The following SCN3B variants were observed in gnomAD, a reference collection of about 807,000 sequenced individuals.
SCN3B encodes the protein sodium channel regulatory subunit beta-3.
SCN3B carries 11 observed loss-of-function variants against 25.4 expected under a neutral mutation model. That is an observed-to-expected ratio of 0.43 (90% confidence interval 0.27 to 0.72). SCN3B has a LOEUF of 0.72. Ranked by LOEUF, SCN3B falls within the 30% of genes least tolerant of loss-of-function variation. The pLI, the probability that SCN3B is intolerant of heterozygous loss-of-function variation, is 0.18. For missense variants in SCN3B, 218 were observed against 278.3 expected (o/e 0.78, Z 1.54); for synonymous variants, 109 against 110.7 (o/e 0.99, Z 0.09).
intron 2 of SCN3B, among the ~76,000 whole-genome samples, chr11:123,647,615 A>G (rs1955869083): frequency 6.6e-6 from 1 of 152,222 alleles, no homozygotes; most frequent in Non-Finnish European, 1.5e-5. Flanking sequence ...TACACACTAC[A>G]TTTAAAAACT....
chr11:123,642,787 AG>A lies in SCN3B; in HGVS notation c.220-117del, dbSNP rs964185029. 8 of 804,072 alleles carry A rather than the reference AG, an allele frequency of 9.9e-6. No homozygotes were observed. The highest frequency in any genetic ancestry group is 1.7e-5 in the Non-Finnish European group (8 of 476,636). 49.8% of individuals were successfully genotyped at this position (804,072 alleles called of 1,614,324 possible). ...AGAATTGTGCATGGACAGGGAAGAG[AG>A]GGGACAATGCCACCGGGAGACCCAG... is the stretch of plus-strand genomic sequence containing the variant. On this transcript the variant is annotated intron_variant, in intron 3 of 6. Coordinates refer to ENST00000299333, the MANE Select transcript of SCN3B (RefSeq NM_001040151.2). The surrounding 1 kb of genome is among the most constrained non-coding windows in gnomAD (Gnocchi z 4.3).
At position 123,648,026 on chromosome 11, in the gene SCN3B, G is replaced by T. The variant is rs529853945; in HGVS notation, c.56-2276C>A. Among the ~76,000 whole-genome samples, 9 of 152,314 alleles carry T rather than the reference G, an allele frequency of 5.9e-5. No homozygotes were observed. In the South Asian group the frequency reaches 1.0e-3, roughly 18 times the overall value. The stretch of plus-strand genomic sequence containing the variant: ...TGATGAGTCTGAAGTATTGATTATA[G>T]ATCTGATTAAACAAAAAGGAAATGT... On this transcript the variant is annotated intron_variant, in intron 2 of 6. Transcript: ENST00000299333.
rs749596563 is a variant in SCN3B at position 123,645,744 on chromosome 11, A to G, written c.62T>C (p.Val21Ala). Reference protein sequence around the residue: ...ASLVLIYWVSVCFPVCVEVPS... With the variant: ...ASLVLIYWVSACFPVCVEVPS... The stretch of plus-strand genomic sequence containing the variant: ...CACTTCCACACACACAGGGAAGCAG[A>G]CACTGACTGCAGAGAGGACAGATGG... The change falls in exon 3 of 7, where the codon GTC becomes GCC. Residue 21 changes from valine (V) to alanine (A), a missense_variant. Val to Ala is a moderately conservative substitution (Grantham distance 64). Transcript: ENST00000299333. The G allele has an allele frequency of 2.4e-5, 39 of 1,614,128 alleles. No homozygotes were observed. In the East Asian group the frequency reaches 8.7e-4, roughly 36 times the overall value.
intron 3 of SCN3B, among the ~76,000 whole-genome samples, chr11:123,644,978 T>G (rs550335334): frequency 6.6e-6 from 1 of 151,940 alleles, no homozygotes; most frequent in South Asian, 2.1e-4. Context: ...CTCCCAGCTC[T>G]GCCAGGAGCG....
intron 2 of SCN3B, among the ~76,000 whole-genome samples, chr11:123,651,138 T>A (rs1955920949): frequency 6.6e-6 from 1 of 151,628 alleles, no homozygotes; most frequent in South Asian, 2.1e-4. Flanking sequence ...TTGTATTATT[T>A]TTTAAATCTC....
chr11:123,639,608 C>T (rs865931598), intron 4 of SCN3B: 2 of 152,292 alleles, frequency 1.3e-5, no homozygotes, highest in Non-Finnish European at 2.9e-5. Context: ...GAACTCCTCA[C>T]CTCAGGTGAT....
chr11:123,634,690 C>T (rs905823938), intron 5 of SCN3B, among the ~76,000 whole-genome samples: 2 of 152,168 alleles, frequency 1.3e-5, no homozygotes, highest in East Asian at 1.9e-4. Context: ...CATGATTGCA[C>T]CACTGCACTC....
chr11:123,642,453 G>T lies in SCN3B; in HGVS notation c.438C>A (p.Thr146=), dbSNP rs1275085. 3.7e-6 allele frequency: 6 copies of T among 1,613,878 alleles called. No homozygotes were observed. The highest frequency in any genetic ancestry group is 4.5e-5 in the East Asian group (2 of 44,872). ...CCTGTGCCTCAGCCTCACCCTCCTC[G>T]GTGACTCTTAGGGGGATCAGCCGCG... The part of the protein sequence containing the change: ...KTTRLIPLRV[T]EEAGEDFTSV... Residue 146 remains threonine, a synonymous_variant, in exon 4 of 7, where the codon ACC becomes ACA. Transcript: ENST00000299333. The surrounding 1 kb of genome is among the most constrained non-coding windows in gnomAD (Gnocchi z 4.3).
chr11:123,638,467 C>T (rs1015680820), intron 4 of SCN3B, 143 bp from the exon 5 acceptor site: 62 of 1,151,774 alleles, frequency 5.4e-5, no homozygotes, highest in Non-Finnish European at 7.1e-5. Context: ...AATCCTGACT[C>T]TCCCGCCCAT....
At chr11:123,641,470 C>A (rs914538209) in intron 4 of SCN3B, among the ~76,000 whole-genome samples, 17 of 152,180 alleles carry the variant, frequency 1.1e-4, no homozygotes, top group African/African-American at 4.1e-4. Context: ...AACCTGTGGC[C>A]TGGAGGTTGG....
At chr11:123,652,923 G>T (rs1293663133) in intron 2 of SCN3B, among the ~76,000 whole-genome samples, 1 of 152,106 alleles carries the variant, frequency 6.6e-6, no homozygotes, top group East Asian at 1.9e-4. Flanking sequence ...TTATCACATA[G>T]ATCAATCCCC....
Position 123,629,627 on chromosome 11 carries a change from G to GT in SCN3B, c.*4171dup, listed in dbSNP as rs1346040676. 3 of 152,258 alleles carry GT rather than the reference G, an allele frequency of 2.0e-5. No individual in the cohort carries two copies. The highest frequency in any genetic ancestry group is 7.2e-5 in the African/African-American group (3 of 41,450). The allele number at this position is 152,258 out of a possible 1,614,324, so 9.4% of individuals were successfully genotyped here. A position where few individuals can be genotyped will look rare whatever the true frequency, so the allele number is the denominator to read the frequency against. ...TTGGATGATGCTGCTTTTCAGACCT[G>GT]TGACTGCATGGCACACTAAAGGTCT... is the stretch of plus-strand genomic sequence containing the variant. On this transcript the variant is annotated 3_prime_UTR_variant, in exon 7 of 7. Coordinates refer to ENST00000299333, the MANE Select transcript of SCN3B (RefSeq NM_001040151.2).
chr11:123,637,766 G>T (rs953164276), intron 5 of SCN3B, among the ~76,000 whole-genome samples: 3 of 152,012 alleles, frequency 2.0e-5, no homozygotes, highest in Admixed American at 6.6e-5. Context: ...CTGACCTCAG[G>T]TGATCCTCCC....
intron 3 of SCN3B, among the ~76,000 whole-genome samples, chr11:123,644,870 C>CAT (rs367819860): frequency 3.1e-4 from 41 of 133,408 alleles, no homozygotes; most frequent in African/African-American, 4.0e-4. Flanking sequence ...CACACACATA[C>CAT]ATATATATAT....
chr11:123,634,952 T>C (rs1955709309), intron 5 of SCN3B, among the ~76,000 whole-genome samples: 1 of 152,200 alleles, frequency 6.6e-6, no homozygotes, highest in South Asian at 2.1e-4. Context: ...GCTTATGGAG[T>C]CTTCTAATGA....
intron 3 of SCN3B, among the ~76,000 whole-genome samples, chr11:123,644,811 ATATATATATATAT>A (rs1484727215): frequency 4.9e-5 from 3 of 61,780 alleles, no homozygotes; most frequent in African/African-American, 4.2e-4. Flanking sequence ...ATATATATAT[ATATATATATATAT>A]ATATATATAT....
chr11:123,635,181 T>C, intron 5 of SCN3B, among the ~76,000 whole-genome samples: 1 of 152,214 alleles, frequency 6.6e-6, no homozygotes, highest in East Asian at 1.9e-4. Flanking sequence ...TAATTTTGTT[T>C]TGTGTTTTTC....
Position 123,653,781 on chromosome 11 carries a change from C to T in SCN3B, c.21G>A (p.Leu7=). 6.2e-7 allele frequency: 1 copy of T among 1,614,246 alleles called. No homozygotes were observed. Among genetic ancestry groups the T allele is most frequent in the Non-Finnish European group, 8.5e-7 (1 of 1,180,046 alleles). Reference sequence around the variant, plus strand: ...TAAGCACGAGAGAAGCCAGGGGAAACAATCTATTGAAGGCAGGCATCTTCT... The same window carrying T: ...TAAGCACGAGAGAAGCCAGGGGAAATAATCTATTGAAGGCAGGCATCTTCT... MPAFNR[L]FPLASLVLIY... Residue 7 remains leucine (L), a synonymous_variant, in exon 2 of 7, where the codon TTG becomes TTA. Transcript: ENST00000299333.
At chr11:123,643,774 G>C (rs1233764449) in intron 3 of SCN3B, among the ~76,000 whole-genome samples, 2 of 152,244 alleles carry the variant, frequency 1.3e-5, no homozygotes, top group Admixed American at 1.3e-4. Context: ...GACCAGGCCT[G>C]AAGGCCCTGG....
Sources: gnomAD v4.1 joint callset for allele counts (sites outside exome capture counted in the v4.1 genomes callset) on GRCh38, gnomAD v4.1.1 for gene constraint, Gnocchi (gnomAD v3.1) non-coding constraint, MANE v1.5 for transcripts, NCBI Gene and HGNC (gene_info 2026-07-23, HGNC 2026-07-21) for gene names.